The following PRKN variants were observed in gnomAD, a reference collection of about 807,000 sequenced individuals.
The protein encoded by PRKN is E3 ubiquitin-protein ligase parkin.
A neutral mutation model predicts 59.5 loss-of-function variants in PRKN; 56 were observed. That is an observed-to-expected ratio of 0.94 (90% CI 0.76 to 1.18). The LOEUF (loss-of-function observed/expected upper bound fraction) is 1.18, where lower values mean the gene tolerates loss of function less well. Ranked by LOEUF, PRKN falls within the 50% of genes most tolerant of loss-of-function variation. The probability of loss-of-function intolerance (pLI) is 0.00; values close to 1 mark genes in which losing one functional copy is unlikely to be tolerated. For synonymous variants in PRKN, 250 were observed against 222.1 expected (o/e 1.13, Z -1.12); for missense variants, 657 against 596.4 (o/e 1.10, Z -1.06).
intron 3 of PRKN, among the ~76,000 whole-genome samples, chr6:162,207,493 C>A (rs1475752960): frequency 6.6e-6 from 1 of 152,152 alleles, no homozygotes; most frequent in African/African-American, 2.4e-5. Flanking sequence ...CTAGAAATCT[C>A]CCTCTAGGGA....
intron 4 of PRKN, among the ~76,000 whole-genome samples, chr6:162,096,138 A>G (rs770936273): frequency 4.6e-5 from 7 of 152,150 alleles, no homozygotes; most frequent in Non-Finnish European, 5.9e-5. Context: ...ACATGTGTAG[A>G]TTGTAAGATT....
rs1035573729 is a variant in PRKN at position 161,533,154 on chromosome 6, G to T, written c.1083+15700C>A. On this transcript the variant is annotated intron_variant, in intron 9 of 11. Coordinates refer to ENST00000366898, the MANE Select transcript of PRKN (RefSeq NM_004562.3). This position sits in a 1 kb window ranked among gnomAD's most constrained non-coding sequence, Gnocchi z 4.1. ...TTTCTAAATAATCTCTAAAATAAAA[G>T]AATGATCTAAATCTTCCACATCCCT... Among the ~76,000 whole-genome samples, 1 of 152,092 alleles carries T rather than the reference G, an allele frequency of 6.6e-6. No individual in the cohort carries two copies. The highest frequency in any genetic ancestry group is 1.5e-5 in the Non-Finnish European group (1 of 68,018).
At chr6:161,983,990 C>T (rs1221191505) in intron 5 of PRKN, among the ~76,000 whole-genome samples, 1 of 152,102 alleles carries the variant, frequency 6.6e-6, no homozygotes, top group Non-Finnish European at 1.5e-5. Context: ...CTAATATTCT[C>T]TTTCCCAGCT....
chr6:162,613,035 A>G (rs181232559), intron 1 of PRKN, among the ~76,000 whole-genome samples: 23 of 152,348 alleles, frequency 1.5e-4, no homozygotes, highest in Non-Finnish European at 3.2e-4. Flanking sequence ...AGACATACCA[A>G]TTAATCCTGA....
chr6:162,424,229 C>T (rs1163766469), intron 2 of PRKN, among the ~76,000 whole-genome samples: 3 of 152,092 alleles, frequency 2.0e-5, no homozygotes, highest in Non-Finnish European at 2.9e-5. Context: ...AACAGATCAG[C>T]GGTTGCTCAG....
At chr6:162,340,605 A>G (rs948021833) in intron 2 of PRKN, among the ~76,000 whole-genome samples, 1 of 152,204 alleles carries the variant, frequency 6.6e-6, no homozygotes, top group Non-Finnish European at 1.5e-5. Flanking sequence ...AACAGAACAG[A>G]GGACTCAGAA....
intron 1 of PRKN, among the ~76,000 whole-genome samples, chr6:162,635,972 T>C (rs906993573): frequency 6.6e-6 from 1 of 152,142 alleles, no homozygotes; most frequent in Non-Finnish European, 1.5e-5. Flanking sequence ...GAAAAAGGCT[T>C]CCAAATGAAA....
intron 7 of PRKN, among the ~76,000 whole-genome samples, chr6:161,621,259 T>C (rs904620382): frequency 6.6e-6 from 1 of 152,096 alleles, no homozygotes; most frequent in Admixed American, 6.5e-5. Flanking sequence ...CATGTGATGA[T>C]GGAGGTTGAC....
At chr6:161,924,848 T>C (rs1312252124) in intron 6 of PRKN, among the ~76,000 whole-genome samples, 2 of 152,206 alleles carry the variant, frequency 1.3e-5, no homozygotes, top group East Asian at 3.9e-4. Context: ...GGCAGGAAGA[T>C]GAGATAATCT....
intron 1 of PRKN, among the ~76,000 whole-genome samples, chr6:162,538,753 G>A (rs747952458): frequency 2.0e-5 from 3 of 152,176 alleles, no homozygotes; most frequent in Non-Finnish European, 4.4e-5. Flanking sequence ...AAGCACTGTC[G>A]TCAGCAGAAA....
intron 1 of PRKN, among the ~76,000 whole-genome samples, chr6:162,672,214 A>G (rs1779350746): frequency 6.6e-6 from 1 of 152,212 alleles, no homozygotes; most frequent in Non-Finnish European, 1.5e-5. Context: ...GGTCAGAAAA[A>G]TATGACTTAA....
chr6:162,023,712 A>C (rs1179090390), intron 5 of PRKN, among the ~76,000 whole-genome samples: 1 of 151,926 alleles, frequency 6.6e-6, no homozygotes, highest in Non-Finnish European at 1.5e-5. Flanking sequence ...GTCTTAGAAA[A>C]TGCAACATTT....
In PRKN at chr6:162,148,976, C is replaced by T. The variant is rs186927962; in HGVS notation, c.534+52155G>A. Among the ~76,000 whole-genome samples, 202 of 152,188 alleles carry T rather than the reference C, an allele frequency of 1.3e-3. 2 individuals carry two copies. The highest frequency in any genetic ancestry group is 1.4e-3 in the Non-Finnish European group (93 of 68,006). ...TGTGTGGCCAGGGTGGGGGTACTTA[C>T]GGGACAAACAGATTCTTCTCATTCA... On this transcript the variant is annotated intron_variant, in intron 4 of 11. Transcript: ENST00000366898.
At chr6:162,097,899 A>G (rs968189205) in intron 4 of PRKN, among the ~76,000 whole-genome samples, 1 of 152,182 alleles carries the variant, frequency 6.6e-6, no homozygotes. Flanking sequence ...GAAATTTTTT[A>G]ATTACCGATG....
intron 1 of PRKN, among the ~76,000 whole-genome samples, chr6:162,503,216 G>T (rs1417772689): frequency 6.1e-5 from 9 of 147,514 alleles, no homozygotes; most frequent in African/African-American, 2.3e-4. Context: ...AGGCTGGAGT[G>T]CAATGGCATG....
intron 1 of PRKN, among the ~76,000 whole-genome samples, chr6:162,647,761 C>A (rs945170612): frequency 9.2e-5 from 14 of 151,978 alleles, no homozygotes; most frequent in Admixed American, 8.5e-4. Flanking sequence ...TGTTTCTGAG[C>A]TCAGTCTGAT....
At chr6:162,080,994 A>C (rs958749943) in intron 4 of PRKN, among the ~76,000 whole-genome samples, 2 of 152,102 alleles carry the variant, frequency 1.3e-5, no homozygotes, top group African/African-American at 2.4e-5. Flanking sequence ...TTCCATAAGA[A>C]GCAACTCCTC....
At chr6:161,874,276 T>TATTATATATTACATGTAAA (rs1562354660) in intron 6 of PRKN, among the ~76,000 whole-genome samples, 37 of 31,400 alleles carry the variant, frequency 1.2e-3, no homozygotes, top group Non-Finnish European at 1.6e-3. Flanking sequence ...ATATATAATA[T>TATTATATATTACATGTAAA]ATATTATATA....
intron 4 of PRKN, among the ~76,000 whole-genome samples, chr6:162,059,509 T>A (rs1778006270): frequency 6.6e-6 from 1 of 152,106 alleles, no homozygotes; most frequent in Non-Finnish European, 1.5e-5. Flanking sequence ...GTTTTAAGAG[T>A]TGCATGGCCA....
Sources: allele counts gnomAD v4.1 joint callset (sites outside exome capture counted in the v4.1 genomes callset), GRCh38; gene constraint gnomAD v4.1.1; non-coding constraint Gnocchi (gnomAD v3.1); transcripts MANE v1.5; gene names NCBI Gene and HGNC (gene_info 2026-07-23, HGNC 2026-07-21).